Variants in ANKRD30A observed in about 807,000 individuals in gnomAD.
ANKRD30A encodes the protein ankyrin repeat domain-containing protein 30A.
ANKRD30A carries 170 observed loss-of-function variants against 166.3 expected under a neutral mutation model. The observed-to-expected ratio is 1.02, with a 90% CI of 0.90 to 1.16. The LOEUF (loss-of-function observed/expected upper bound fraction) is 1.16. Among genes scored for constraint, ANKRD30A ranks in the 50% most tolerant of loss-of-function variants. The probability of loss-of-function intolerance (pLI) is 0.00; values close to 1 mark genes in which losing one functional copy is unlikely to be tolerated. For missense variants in ANKRD30A, 1,630 were observed against 1,518.0 expected (o/e 1.07, Z -1.23); for synonymous variants, 564 against 508.9 (o/e 1.11, Z -1.46).
At chr10:37,216,083 T>C in intron 31 of ANKRD30A, 98 bp from the exon 32 acceptor site, 1 of 759,298 alleles carries the variant, frequency 1.3e-6, no homozygotes, top group East Asian at 2.9e-5. Context: ...AGGCAATCAA[T>C]ATATATTTGT....
intron 33 of ANKRD30A, 70 bp downstream of exon 33, chr10:37,217,948 T>C: frequency 8.7e-7 from 1 of 1,155,652 alleles, no homozygotes; most frequent in Non-Finnish European, 1.2e-6. Context: ...TAATATCCCT[T>C]TGATTTAGTA....
intron 34 of ANKRD30A, among the ~76,000 whole-genome samples, chr10:37,223,801 ATAAT>A (rs1272599621): frequency 1.3e-5 from 2 of 151,236 alleles, no homozygotes; most frequent in Non-Finnish European, 3.0e-5. Flanking sequence ...ATTTTTAATA[ATAAT>A]TAAATTTCTT....
At chr10:37,212,634 G>A (rs1842399275) in intron 31 of ANKRD30A, among the ~76,000 whole-genome samples, 1 of 152,014 alleles carries the variant, frequency 6.6e-6, no homozygotes, top group African/African-American at 2.4e-5. Flanking sequence ...CAAGGCTACA[G>A]TAACCAAAAC....
the ANKRD30A span, among the ~76,000 whole-genome samples, chr10:37,263,224 G>C: frequency 6.6e-6 from 1 of 151,514 alleles, no homozygotes; most frequent in Non-Finnish European, 1.5e-5. Context: ...GTATGAGGTG[G>C]TAAGTCAATG....
the ANKRD30A span, among the ~76,000 whole-genome samples, chr10:37,250,954 C>T: frequency 6.6e-6 from 1 of 152,162 alleles, no homozygotes; most frequent in South Asian, 2.1e-4. Context: ...TTCTAGCATC[C>T]CCTATAAGGT....
chr10:37,157,738 G>T (rs1224582474), intron 13 of ANKRD30A, among the ~76,000 whole-genome samples: 1 of 152,012 alleles, frequency 6.6e-6, no homozygotes, highest in African/African-American at 2.4e-5. Flanking sequence ...ATTTTAAGAG[G>T]ACTAAACTAG....
chr10:37,152,031 T>A (rs775397098), intron 11 of ANKRD30A, 29 bp from the exon 12 acceptor site: 5 of 1,565,404 alleles, frequency 3.2e-6, no homozygotes, highest in Non-Finnish European at 4.4e-6. Context: ...AATGTTGTCA[T>A]GAATGTTTCT....
intron 6 of ANKRD30A, among the ~76,000 whole-genome samples, chr10:37,140,189 G>T (rs1277257894): frequency 6.6e-6 from 1 of 152,192 alleles, no homozygotes; most frequent in Non-Finnish European, 1.5e-5. Context: ...AAGCAGAGGA[G>T]AGATTTGTCT....
chr10:37,155,439 G>C (rs1212415617), intron 13 of ANKRD30A, among the ~76,000 whole-genome samples: 1 of 152,156 alleles, frequency 6.6e-6, no homozygotes, highest in African/African-American at 2.4e-5. Context: ...TCACTGATGA[G>C]ATGTCAATTC....
the ANKRD30A span, among the ~76,000 whole-genome samples, chr10:37,254,841 C>A: frequency 6.6e-6 from 1 of 151,938 alleles, no homozygotes; most frequent in Non-Finnish European, 1.5e-5. Flanking sequence ...CGCCACCACA[C>A]CCAGCTAATT....
At position 37,142,070 on chromosome 10, in the gene ANKRD30A, A is replaced by G. The variant is rs1837178100; in HGVS notation, c.1173A>G (p.Thr391=). 6.2e-7 allele frequency: 1 copy of G among 1,609,034 alleles called. No individual in the cohort carries two copies. The highest frequency in any genetic ancestry group is 1.4e-5 in the African/African-American group (1 of 73,414). Residue 391 remains threonine, a synonymous_variant, in exon 7 of 36, where the codon ACA becomes ACG. Coordinates refer to ENST00000361713, the MANE Select transcript of ANKRD30A (RefSeq NM_052997.3). ...TCGCATGGGAGAAAAAAGAAGACAC[A>G]CCTAGGGAAATTATGAGTCCCGCAA... ...RKIAWEKKED[T]PREIMSPAKE...
At chr10:37,218,474 A>G (rs1346105329) in intron 33 of ANKRD30A, among the ~76,000 whole-genome samples, 3 of 150,954 alleles carry the variant, frequency 2.0e-5, no homozygotes, top group Non-Finnish European at 4.5e-5. Context: ...AACTTATCAA[A>G]CATTCATAAA....
intron 6 of ANKRD30A, among the ~76,000 whole-genome samples, chr10:37,137,192 A>C (rs1414816065): frequency 2.0e-5 from 3 of 152,182 alleles, no homozygotes; most frequent in Non-Finnish European, 4.4e-5. Context: ...CCTGAATTAC[A>C]AGCCACAAAT....
At chr10:37,183,035 C>T (rs1448884391) in intron 24 of ANKRD30A, among the ~76,000 whole-genome samples, 3 of 150,006 alleles carry the variant, frequency 2.0e-5, no homozygotes, top group African/African-American at 4.9e-5. Flanking sequence ...GCCATGTTAA[C>T]TCTAAAACAC....
At chr10:37,232,697 T>TATATATATATAGAG (rs1273812991), downstream of ANKRD30A, 5 of 78,400 alleles carry the variant, frequency 6.4e-5, no homozygotes, top group South Asian at 8.4e-4. Flanking sequence ...TATATATAAA[T>TATATATATATAGAG]AGAGAGAGAG....
rs556445396 is a variant in ANKRD30A at position 37,179,355 on chromosome 10, GA to G, written c.2421+3140del. On this transcript the variant is annotated intron_variant, in intron 24 of 35. Coordinates refer to ENST00000361713, the MANE Select transcript of ANKRD30A (RefSeq NM_052997.3). ...AAGTCTGTTGTAACTAAATTTAAAT[GA>G]AATACATCAATATTGAAAGCTTATT... Among the ~76,000 whole-genome samples the G allele has an allele frequency of 2.4e-3, 362 of 150,986 alleles. 14 individuals carry two copies. The highest frequency in any genetic ancestry group is 8.4e-3 in the African/African-American group (347 of 41,314).
chr10:37,139,745 T>C (rs749368768), intron 6 of ANKRD30A, among the ~76,000 whole-genome samples: 13 of 152,250 alleles, frequency 8.5e-5, no homozygotes, highest in Non-Finnish European at 1.6e-4. Context: ...TGATTGATTG[T>C]AGAGACATGG....
At chr10:37,233,764 T>C (rs1383489532), downstream of ANKRD30A, among the ~76,000 whole-genome samples, 1 of 152,132 alleles carries the variant, frequency 6.6e-6, no homozygotes, top group African/African-American at 2.4e-5. Context: ...AATTTAATTA[T>C]TTCTACTAGA....
chr10:37,219,111 T>G lies in ANKRD30A; in HGVS notation c.3399T>G (p.Phe1133Leu). 1.2e-6 allele frequency: 2 copies of G among 1,609,642 alleles called. No individual in the cohort carries two copies. Among genetic ancestry groups the G allele is most frequent in the Non-Finnish European group, 1.7e-6 (2 of 1,177,022 alleles). The change falls in exon 34 of 36, where the codon TTT (phenylalanine) becomes TTG (leucine). Residue 1133 changes from phenylalanine to leucine, a missense_variant. Phe to Leu is a conservative substitution (Grantham distance 22). This residue lies in a region of ANKRD30A where 712 missense variants were observed against 629.3 expected (regional missense o/e 1.13). Transcript: ENST00000361713. ...HQYQEKENKYFEDIKILKEKN... is the reference protein window; with the variant it reads ...HQYQEKENKYLEDIKILKEKN... ...ACCAGGAAAAGGAAAATAAATACTTTGAGGACATTAAGATTTTAAAAGAAA... is the reference window on the plus strand; with the variant it reads ...ACCAGGAAAAGGAAAATAAATACTTGGAGGACATTAAGATTTTAAAAGAAA...
Sources: allele counts gnomAD v4.1 joint callset (sites outside exome capture counted in the v4.1 genomes callset), GRCh38; gene constraint gnomAD v4.1.1; regional missense constraint gnomAD v4.1.1; transcripts MANE v1.5; gene names NCBI Gene and HGNC (gene_info 2026-07-23, HGNC 2026-07-21).